HORMAD2: variants seen among roughly 807,000 people sequenced by gnomAD.
The protein encoded by HORMAD2 is HORMA domain containing 2.
In HORMAD2, 45 loss-of-function variants were observed where a neutral mutation model predicts 38.8. The ratio of observed to expected loss-of-function variants is 1.16; its 90% CI spans 0.91 to 1.49. HORMAD2 has a LOEUF of 1.49. HORMAD2 is among the 40% of genes most tolerant of loss of function. The probability of loss-of-function intolerance (pLI) is 0.00; values close to 1 mark genes in which losing one functional copy is unlikely to be tolerated. For missense variants in HORMAD2, 338 were observed against 367.0 expected (o/e 0.92, Z 0.65); for synonymous variants, 126 against 122.8 (o/e 1.03, Z -0.17).
At chr22:30,126,503 G>A (rs1241993867) in intron 10 of HORMAD2, among the ~76,000 whole-genome samples, 1 of 152,060 alleles carries the variant, frequency 6.6e-6, no homozygotes, top group Non-Finnish European at 1.5e-5. Flanking sequence ...ATTATGTTGT[G>A]AGATTTACCC....
chr22:30,205,110 TA>T, the HORMAD2 span, among the ~76,000 whole-genome samples: 1 of 152,184 alleles, frequency 6.6e-6, no homozygotes, highest in Non-Finnish European at 1.5e-5. Flanking sequence ...TTAATTATAA[TA>T]TTGCGAGTGT....
At position 30,129,142 on chromosome 22, in the gene HORMAD2, C is replaced by T. The variant is rs546652759; in HGVS notation, c.819+6928C>T. On this transcript the variant is annotated intron_variant, in intron 10 of 10. Transcript: ENST00000336726. ...CTGAGGCAGGAGAATGGCAAAAACC[C>T]GGGAGGTGGAGCTGGCAGTGAGCCG... 1.2e-4 allele frequency among the ~76,000 whole-genome samples: 16 copies of T among 138,864 alleles called. No homozygotes were observed. The East Asian group carries it at 2.1e-3, about 18-fold the overall frequency. 91.1% of individuals were successfully genotyped at this position (138,864 alleles called of 152,430 possible).
At chr22:30,125,250 A>C (rs1377753614) in intron 10 of HORMAD2, among the ~76,000 whole-genome samples, 1 of 29,414 alleles carries the variant, frequency 3.4e-5, no homozygotes, top group African/African-American at 3.0e-4. Context: ...TTTGAGACAG[A>C]GTTTCCTCTT....
chr22:30,188,350 G>A, the HORMAD2 span, among the ~76,000 whole-genome samples: 1 of 151,744 alleles, frequency 6.6e-6, no homozygotes, highest in East Asian at 1.9e-4. Flanking sequence ...GACAAAAACA[G>A]AAAACAGTAT....
chr22:30,179,367 GA>G (rs1424211582), downstream of HORMAD2, among the ~76,000 whole-genome samples: 2 of 151,850 alleles, frequency 1.3e-5, no homozygotes, highest in African/African-American at 2.4e-5. Context: ...TTGTTTAAAG[GA>G]AAAAAAGGTA....
At chr22:30,137,346 G>T in intron 10 of HORMAD2, 2 of 501,728 alleles carry the variant, frequency 4.0e-6, no homozygotes, top group South Asian at 3.1e-5. Context: ...TTATTATACT[G>T]AACATAGCAG....
chr22:30,191,874 C>T, the HORMAD2 span, among the ~76,000 whole-genome samples: 1 of 151,348 alleles, frequency 6.6e-6, no homozygotes, highest in South Asian at 2.1e-4. Flanking sequence ...TGTCCATACC[C>T]ACCTTGATTT....
intron 10 of HORMAD2, among the ~76,000 whole-genome samples, chr22:30,127,998 T>C (rs879734951): frequency 6.6e-5 from 10 of 152,230 alleles, no homozygotes; most frequent in Non-Finnish European, 1.0e-4. Flanking sequence ...TTGGTGATAG[T>C]TGAGTCTTCT....
At chr22:30,081,612 C>T (rs888448053) in intron 1 of HORMAD2, among the ~76,000 whole-genome samples, 1 of 151,524 alleles carries the variant, frequency 6.6e-6, no homozygotes, top group Non-Finnish European at 1.5e-5. Context: ...GAGTCGAGCT[C>T]TGTGCCAGGC....
At chr22:30,137,028 C>T in intron 10 of HORMAD2, 1 of 415,576 alleles carries the variant, frequency 2.4e-6, no homozygotes, top group East Asian at 4.6e-5. Context: ...GTAATTGTTG[C>T]ATTTTTTAGT....
the HORMAD2 span, among the ~76,000 whole-genome samples, chr22:30,197,907 T>C: frequency 6.6e-6 from 1 of 152,134 alleles, no homozygotes; most frequent in Non-Finnish European, 1.5e-5. Flanking sequence ...GCTGGGCAGG[T>C]GGCTCAGGTC....
At chr22:30,113,108 T>A (rs1921784074) in intron 7 of HORMAD2, among the ~76,000 whole-genome samples, 1 of 152,156 alleles carries the variant, frequency 6.6e-6, no homozygotes, top group South Asian at 2.1e-4. Context: ...ATCTTATATG[T>A]AAACCTCTTT....
chr22:30,139,938 A>T (rs956319668), intron 10 of HORMAD2, among the ~76,000 whole-genome samples: 2 of 149,550 alleles, frequency 1.3e-5, no homozygotes, highest in African/African-American at 5.1e-5. Context: ...CCCCTTTATC[A>T]TTGTGTGTAC....
At chr22:30,108,667 T>C (rs902079668) in intron 5 of HORMAD2, among the ~76,000 whole-genome samples, 1 of 152,230 alleles carries the variant, frequency 6.6e-6, no homozygotes, top group African/African-American at 2.4e-5. Flanking sequence ...GAACACAATG[T>C]TAATGATGTA....
At chr22:30,146,484 ACTCT>A (rs1924426903) in intron 10 of HORMAD2, among the ~76,000 whole-genome samples, 2 of 152,130 alleles carry the variant, frequency 1.3e-5, no homozygotes, top group Non-Finnish European at 2.9e-5. Context: ...ACAGAGCAAG[ACTCT>A]GTCTCAAAAA....
intron 10 of HORMAD2, among the ~76,000 whole-genome samples, chr22:30,174,961 A>G (rs1926341183): frequency 6.6e-6 from 1 of 151,998 alleles, no homozygotes; most frequent in African/African-American, 2.4e-5. Context: ...TATAAGCCAA[A>G]GGGAATTTGT....
At chr22:30,144,441 C>A (rs1362796288) in intron 10 of HORMAD2, among the ~76,000 whole-genome samples, 1 of 152,214 alleles carries the variant, frequency 6.6e-6, no homozygotes, top group Non-Finnish European at 1.5e-5. Context: ...TGAGCATGTC[C>A]TTATCCTTGA....
At chr22:30,190,641 G>T in the HORMAD2 span, among the ~76,000 whole-genome samples, 2 of 152,332 alleles carry the variant, frequency 1.3e-5, no homozygotes, top group South Asian at 4.1e-4. Flanking sequence ...GGGAAGGAAA[G>T]GTGGAGGCTA....
chr22:30,119,608 CG>C (rs1403482358), intron 8 of HORMAD2, among the ~76,000 whole-genome samples: 2 of 152,104 alleles, frequency 1.3e-5, no homozygotes, highest in African/African-American at 4.8e-5. Flanking sequence ...TGAAGAGCAA[CG>C]TTTATTTTTC....
Sources: gnomAD v4.1 joint callset for allele counts (sites outside exome capture counted in the v4.1 genomes callset) on GRCh38, gnomAD v4.1.1 for gene constraint, MANE v1.5 for transcripts, NCBI Gene and HGNC (gene_info 2026-07-23, HGNC 2026-07-21) for gene names.